Variants in KIAA1217 observed in about 807,000 individuals in gnomAD.
KIAA1217 encodes the protein KIAA1217, also known as sickle tail protein homolog.
In KIAA1217, 88 loss-of-function variants were observed where a neutral mutation model predicts 163.9. The observed-to-expected ratio is 0.54, with a 90% CI of 0.45 to 0.64. KIAA1217 has a LOEUF of 0.64. Among genes scored for constraint, KIAA1217 ranks in the 30% least tolerant of loss-of-function variants. The pLI is 0.00. For synonymous variants in KIAA1217, 903 were observed against 923.1 expected (o/e 0.98, Z 0.39); for missense variants, 2,372 against 2,475.0 (o/e 0.96, Z 0.88).
chr10:24,100,129 A>G (rs780893246), intron 2 of KIAA1217, among the ~76,000 whole-genome samples: 3 of 151,878 alleles, frequency 2.0e-5, no homozygotes, highest in Non-Finnish European at 2.9e-5. Flanking sequence ...TTGGTCTTCA[A>G]TCCTTTTAGG....
chr10:23,986,883 C>T (rs142246505), intron 1 of KIAA1217, among the ~76,000 whole-genome samples: 7 of 152,280 alleles, frequency 4.6e-5, no homozygotes, highest in African/African-American at 1.7e-4. Context: ...AGAGTCAATG[C>T]TAGTGGCTAG....
chr10:24,407,279 TGTGTGTGCGTGC>T (rs1434739308), intron 3 of KIAA1217, among the ~76,000 whole-genome samples: 1 of 151,954 alleles, frequency 6.6e-6, no homozygotes, highest in African/African-American at 2.4e-5. Flanking sequence ...TGTGTGTGTG[TGTGTGTGCGTGC>T]GTGTGCGTGC....
intron 1 of KIAA1217, among the ~76,000 whole-genome samples, chr10:23,810,833 A>G (rs1836986301): frequency 8.1e-6 from 1 of 124,196 alleles, no homozygotes; most frequent in African/African-American, 3.2e-5. Flanking sequence ...TATATACTAT[A>G]TATTATATGG....
intron 2 of KIAA1217, among the ~76,000 whole-genome samples, chr10:24,139,864 G>A (rs1413055762): frequency 6.6e-6 from 1 of 152,102 alleles, no homozygotes; most frequent in Non-Finnish European, 1.5e-5. Flanking sequence ...TTATACCTAT[G>A]ATAAAGTTTA....
At chr10:24,390,087 C>G (rs772893818) in intron 3 of KIAA1217, among the ~76,000 whole-genome samples, 1 of 152,180 alleles carries the variant, frequency 6.6e-6, no homozygotes, top group African/African-American at 2.4e-5. Flanking sequence ...AGTGATTCTG[C>G]AAGCCATTTA....
At chr10:24,508,134 G>T (rs12250462) in intron 9 of KIAA1217, among the ~76,000 whole-genome samples, 1 of 151,828 alleles carries the variant, frequency 6.6e-6, no homozygotes, top group Admixed American at 6.6e-5. Context: ...TTAACAAAAC[G>T]TTAGTAACTG....
intron 1 of KIAA1217, among the ~76,000 whole-genome samples, chr10:23,909,680 A>C (rs1842346853): frequency 6.6e-6 from 1 of 152,092 alleles, no homozygotes. Flanking sequence ...CATTTTCTTT[A>C]TCCAGTCTAT....
chr10:24,429,644 A>G (rs1291402030), intron 3 of KIAA1217, among the ~76,000 whole-genome samples: 1 of 151,778 alleles, frequency 6.6e-6, no homozygotes, highest in Admixed American at 6.6e-5. Context: ...CTTTTTCTGG[A>G]CTGTTTGTTC....
chr10:23,878,517 A>G (rs926257810), intron 1 of KIAA1217, among the ~76,000 whole-genome samples: 1 of 151,924 alleles, frequency 6.6e-6, no homozygotes, highest in Non-Finnish European at 1.5e-5. Context: ...TTGAGCCTGT[A>G]TTTTGAGAGA....
chr10:24,391,240 C>A (rs1192541022), intron 3 of KIAA1217, among the ~76,000 whole-genome samples: 3 of 150,934 alleles, frequency 2.0e-5, no homozygotes, highest in African/African-American at 7.3e-5. Context: ...TTTAGAGGGA[C>A]TTTCAGTGAT....
chr10:24,498,498 A>AT (rs1394231934), intron 8 of KIAA1217, among the ~76,000 whole-genome samples: 20 of 152,076 alleles, frequency 1.3e-4, no homozygotes, highest in African/African-American at 4.6e-4. Context: ...ATAGATGAAG[A>AT]TTTTTTTAAG....
intron 1 of KIAA1217, among the ~76,000 whole-genome samples, chr10:23,844,760 T>C (rs1374834894): frequency 2.6e-5 from 4 of 152,038 alleles, no homozygotes; most frequent in Non-Finnish European, 5.9e-5. Context: ...GTTATTATAC[T>C]TTAAGTTCTG....
chr10:24,228,275 C>T (rs547768506), intron 2 of KIAA1217, among the ~76,000 whole-genome samples: 1 of 151,772 alleles, frequency 6.6e-6, no homozygotes, highest in Admixed American at 6.6e-5. Context: ...ACAACAACAA[C>T]AAAAAATCAA....
At chr10:24,129,766 T>C (rs916873190) in intron 2 of KIAA1217, among the ~76,000 whole-genome samples, 4 of 152,206 alleles carry the variant, frequency 2.6e-5, no homozygotes, top group Non-Finnish European at 5.9e-5. Context: ...TTCCCTTTCC[T>C]CCTGTCCAGT....
chr10:24,491,345 A>G (rs892156099), intron 6 of KIAA1217, among the ~76,000 whole-genome samples: 2 of 128,984 alleles, frequency 1.6e-5, no homozygotes, highest in Non-Finnish European at 3.1e-5. Context: ...GCTGGAGTGC[A>G]GTGGTGCAAT....
At chr10:24,258,910 G>T (rs2075445837) in intron 2 of KIAA1217, among the ~76,000 whole-genome samples, 1 of 152,072 alleles carries the variant, frequency 6.6e-6, no homozygotes, top group African/African-American at 2.4e-5. Flanking sequence ...ATCTTAATGA[G>T]CCCACAGCTG....
chr10:24,069,741 T>C (rs1420444086), intron 2 of KIAA1217, among the ~76,000 whole-genome samples: 1 of 152,238 alleles, frequency 6.6e-6, no homozygotes, highest in South Asian at 2.1e-4. Context: ...GTTGAATCAA[T>C]GTATCCATGA....
chr10:23,798,343 AC>A, intron 1 of KIAA1217, among the ~76,000 whole-genome samples: 1 of 152,308 alleles, frequency 6.6e-6, no homozygotes, highest in South Asian at 2.1e-4. Flanking sequence ...ATCCCAGCAA[AC>A]CTGTCCTCAT....
Position 24,162,268 on chromosome 10 carries a change from A to G in KIAA1217, c.-170-57358A>G, listed in dbSNP as rs12264092. Among the ~76,000 whole-genome samples the G allele has an allele frequency of 3.0e-3, 462 of 152,344 alleles. 1 individual carries two copies. Among genetic ancestry groups the G allele is most frequent in the African/African-American group, 0.011 (437 of 41,592 alleles). On this transcript the variant is annotated intron_variant, in intron 2 of 18. Transcript: ENST00000376462. ...ATAAGACAGCAGCAGGAGACTGTGC[A>G]TGTTTAAAGGAAGTCTGCCTAAAGC... is the stretch of plus-strand genomic sequence containing the variant.
Sources: allele counts gnomAD v4.1 joint callset (sites outside exome capture counted in the v4.1 genomes callset), GRCh38; gene constraint gnomAD v4.1.1; transcripts MANE v1.5; gene names NCBI Gene and HGNC (gene_info 2026-07-23, HGNC 2026-07-21).